Variants in CACNA1H observed in about 807,000 individuals in gnomAD.
CACNA1H encodes the protein calcium voltage-gated channel subunit alpha1 H, also known as voltage-dependent T-type calcium channel subunit alpha-1H.
A neutral mutation model predicts 192.5 loss-of-function variants in CACNA1H; 149 were observed. The observed-to-expected ratio is 0.77, with a 90% CI of 0.68 to 0.89. The LOEUF is 0.89. CACNA1H is among the 40% of genes least tolerant of loss of function. The pLI is 0.00. For missense variants in CACNA1H, 4,257 were observed against 3,423.5 expected (o/e 1.24, Z -6.08); for synonymous variants, 2,202 against 1,475.2 (o/e 1.49, Z -11.29).
chr16:1,206,801 A>G, intron 12 of CACNA1H, 200 bp from the exon 13 acceptor site: 2 of 566,554 alleles, frequency 3.5e-6, no homozygotes, highest in South Asian at 4.4e-5. Flanking sequence ...TGTGGAATGG[A>G]CACTACTGAG....
intron 12 of CACNA1H, 58 bp from the exon 13 acceptor site, chr16:1,206,940 CCTT>C: frequency 4.7e-6 from 2 of 424,454 alleles, no homozygotes; most frequent in South Asian, 2.9e-5. Flanking sequence ...CGCTCCCCCA[CCTT>C]CTTCCGCTCA....
intron 2 of CACNA1H, chr16:1,157,689 G>A (rs972603559): frequency 1.6e-4 from 25 of 152,336 alleles, no homozygotes; most frequent in Admixed American, 1.3e-3. Context: ...TCTTAGCAGC[G>A]TCCGGACATC....
intron 2 of CACNA1H, 45 bp from the exon 3 acceptor site, chr16:1,194,927 C>G: frequency 7.0e-7 from 1 of 1,432,098 alleles, no homozygotes; most frequent in Non-Finnish European, 9.8e-7. Flanking sequence ...CCCATGGGAG[C>G]GGGTCCCGGG....
At chr16:1,161,597 AGTGCCTCCAC>A (rs1217915328) in intron 2 of CACNA1H, among the ~76,000 whole-genome samples, 1 of 152,216 alleles carries the variant, frequency 6.6e-6, no homozygotes, top group African/African-American at 2.4e-5. Flanking sequence ...CAGCCTGGGC[AGTGCCTCCAC>A]GTGGGCCTCA....
rs772141645 is a variant in CACNA1H at position 1,202,446 on chromosome 16, G to A, written c.1996G>A (p.Glu666Lys). ...PYEKIPHVVG[E>K]HGLGQAPGHL... Reference sequence around the variant, plus strand: ...CGAGAAGATCCCGCATGTGGTCGGGGAGCATGGTGAGGACCCAGCCCCACC... The same window carrying A: ...CGAGAAGATCCCGCATGTGGTCGGGAAGCATGGTGAGGACCCAGCCCCACC... Residue 666 changes from glutamate (E) to lysine (K), a missense_variant, in exon 9 of 35, where the codon GAG becomes AAG. Glu to Lys is a moderately conservative substitution (Grantham distance 56). Coordinates refer to ENST00000348261, the MANE Select transcript of CACNA1H (RefSeq NM_021098.3). 3.0e-5 allele frequency: 45 copies of A among 1,490,020 alleles called. No individual in the cohort carries two copies. Among genetic ancestry groups the A allele is most frequent in the Non-Finnish European group, 3.8e-5 (42 of 1,115,782 alleles). 92.3% of individuals were successfully genotyped at this position (1,490,020 alleles called of 1,614,324 possible).
In CACNA1H at chr16:1,195,056, C is replaced by T. The variant is rs767025421; in HGVS notation, c.384C>T (p.Cys128=). 11 of 1,601,512 alleles carry T rather than the reference C, an allele frequency of 6.9e-6. No individual in the cohort carries two copies. The East Asian group carries it at 9.0e-5, about 13-fold the overall frequency. Residue 128 remains cysteine (C), a synonymous_variant, in exon 3 of 35, where the codon TGC becomes TGT. Coordinates refer to ENST00000348261, the MANE Select transcript of CACNA1H (RefSeq NM_021098.3). ...TCCGGCCCTGTGAGGACGTTGAGTG[C>T]GGCTCCGAGCGCTGCAACATCCTGG... The part of the protein sequence containing the change: ...GMFRPCEDVE[C]GSERCNILEA...
At chr16:1,170,925 G>A (rs983841699) in intron 2 of CACNA1H, among the ~76,000 whole-genome samples, 5 of 152,208 alleles carry the variant, frequency 3.3e-5, no homozygotes, top group Non-Finnish European at 7.3e-5. Flanking sequence ...CCCGTGTGGA[G>A]GGTTGGGGTG....
At chr16:1,184,832 G>T (rs1394179014) in intron 2 of CACNA1H, among the ~76,000 whole-genome samples, 1 of 152,256 alleles carries the variant, frequency 6.6e-6, no homozygotes, top group Non-Finnish European at 1.5e-5. Context: ...CCATTTAAAG[G>T]CAAAGCTGGG....
At chr16:1,193,243 C>T (rs1966772959) in intron 2 of CACNA1H, among the ~76,000 whole-genome samples, 1 of 152,262 alleles carries the variant, frequency 6.6e-6, no homozygotes, top group South Asian at 2.1e-4. Flanking sequence ...CCCAGCCACC[C>T]CCGCAGAAAG....
intron 27 of CACNA1H, 57 bp from the exon 28 acceptor site, chr16:1,214,914 CA>C (rs1206777729): frequency 6.8e-6 from 9 of 1,328,048 alleles, no homozygotes; most frequent in Admixed American, 3.9e-5. Flanking sequence ...GAGTGGGAGC[CA>C]GGGGGAAGAG....
rs367601257 is a variant in CACNA1H, at chr16:1,205,088, T to A, written c.2452-26T>A. 3 of 1,601,130 alleles carry A rather than the reference T, an allele frequency of 1.9e-6. No individual in the cohort carries two copies. In the African/African-American group the frequency reaches 4.0e-5, roughly 21 times the overall value. On this transcript the variant is annotated intron_variant, in intron 10 of 34. Coordinates refer to ENST00000348261, the MANE Select transcript of CACNA1H (RefSeq NM_021098.3). ...GGTGGGAGCCGCGGGTGCGGCCTCC[T>A]GAACTGTCCCCACCTCTGCCTGCAG...
Position 1,214,973 on chromosome 16 carries a change from C to T in CACNA1H, c.4931C>T (p.Ser1644Leu), listed in dbSNP as rs745902196. 10 of 1,602,734 alleles carry T rather than the reference C, an allele frequency of 6.2e-6. No homozygotes were observed. Among genetic ancestry groups the T allele is most frequent in the Non-Finnish European group, 7.7e-6 (9 of 1,174,338 alleles). The change falls in exon 28 of 35, where the codon TCG becomes TTG. Residue 1644 changes from serine to leucine, a missense_variant and splice_region_variant. Transcript: ENST00000348261. ...MSMEHYNQPK[S>L]LDEALKYCNY... ...GCCAGCCCGACCCTCCACCCCCAGT[C>T]GCTGGACGAGGCCCTCAAGTACTGC...
chr16:1,169,573 C>T (rs528443074), intron 2 of CACNA1H, among the ~76,000 whole-genome samples: 2 of 152,248 alleles, frequency 1.3e-5, no homozygotes, highest in Non-Finnish European at 2.9e-5. Context: ...AGAGACACTT[C>T]AGAGCTGTGC....
At chr16:1,172,692 C>T (rs1028785168) in intron 2 of CACNA1H, among the ~76,000 whole-genome samples, 2 of 152,174 alleles carry the variant, frequency 1.3e-5, no homozygotes, top group East Asian at 1.9e-4. Flanking sequence ...CAGAGCCACC[C>T]GCATGGGTGT....
rs1241043235 is a variant in CACNA1H at position 1,202,014 on chromosome 16, C to G, written c.1564C>G (p.His522Asp). The G allele has an allele frequency of 6.5e-7, 1 of 1,538,002 alleles. No homozygotes were observed. Among genetic ancestry groups the G allele is most frequent in the African/African-American group, 1.4e-5 (1 of 72,920 alleles). ...GGTGCACCACCTGGTCTACCACCAC[C>G]ATCACCACCACCACCACCACTACCA... Reference protein sequence around the residue: ...ASVHHLVYHHHHHHHHHYHFS... With the variant: ...ASVHHLVYHHDHHHHHHYHFS... The change falls in exon 9 of 35, where the codon CAT becomes GAT. Residue 522 changes from histidine to aspartate, a missense_variant. By Grantham distance (81) the His-to-Asp change is moderately conservative. Coordinates refer to ENST00000348261, the MANE Select transcript of CACNA1H (RefSeq NM_021098.3).
In CACNA1H at chr16:1,207,872, C is replaced by A. The variant is rs779364761; in HGVS notation, c.3154+12C>A. The A allele has an allele frequency of 4.4e-6, 7 of 1,578,308 alleles. No homozygotes were observed. Among genetic ancestry groups the A allele is most frequent in the South Asian group, 2.3e-5 (2 of 86,256 alleles). The stretch of plus-strand genomic sequence containing the variant: ...ACTCCAGACCACAGGTGCGTGTGGT[C>A]GGTGGGTGGTCCGGGTTCTGGCGGG... On this transcript the variant is annotated intron_variant, in intron 15 of 34. Transcript: ENST00000348261.
intron 6 of CACNA1H, 112 bp downstream of exon 6, chr16:1,198,886 C>T (rs1456610267): frequency 2.0e-6 from 2 of 1,001,030 alleles, no homozygotes; most frequent in Non-Finnish European, 2.9e-6. Flanking sequence ...CGTGCAGTCA[C>T]CCGCCCCGCC....
At position 1,155,325 on chromosome 16, in the gene CACNA1H, G is replaced by C. The variant is rs1038576754; in HGVS notation, c.299+1289G>C. ...TCTGTAGCCTCAGGGTGGTGTCTGC[G>C]AGTAGGTGGGTGTCCCCGGGAGCCG... On this transcript the variant is annotated intron_variant, in intron 2 of 34. Coordinates refer to ENST00000348261, the MANE Select transcript of CACNA1H (RefSeq NM_021098.3). 3.3e-5 allele frequency among the ~76,000 whole-genome samples: 5 copies of C among 152,312 alleles called. No homozygotes were observed. In the South Asian group the frequency reaches 6.2e-4, roughly 19 times the overall value.
At chr16:1,158,989 C>G (rs1962827644) in intron 2 of CACNA1H, among the ~76,000 whole-genome samples, 1 of 152,232 alleles carries the variant, frequency 6.6e-6, no homozygotes, top group Non-Finnish European at 1.5e-5. Flanking sequence ...CGCCCGGATC[C>G]TTCATCGCTG....
Sources: allele counts gnomAD v4.1 joint callset (sites outside exome capture counted in the v4.1 genomes callset), GRCh38; gene constraint gnomAD v4.1.1; transcripts MANE v1.5; gene names NCBI Gene and HGNC (gene_info 2026-07-23, HGNC 2026-07-21).